The following FBH1 variants were observed in gnomAD, a reference collection of about 807,000 sequenced individuals.
FBH1 encodes DNA 3'-5' helicase 1.
A neutral mutation model predicts 115.5 loss-of-function variants in FBH1; 43 were observed. The observed-to-expected ratio is 0.37, with a 90% CI of 0.29 to 0.48. The LOEUF (loss-of-function observed/expected upper bound fraction) is 0.48. FBH1 is among the 20% of genes least tolerant of loss of function. FBH1 has a pLI of 0.99. For missense variants in FBH1, 1,001 were observed against 1,337.3 expected, an observed-to-expected ratio of 0.75 and a Z score of 3.92; for synonymous variants, 524 against 507.8, an observed-to-expected ratio of 1.03 and a Z score of -0.43.
intron 13 of FBH1, among the ~76,000 whole-genome samples, chr10:5,920,684 A>G (rs1413651198): frequency 6.6e-6 from 1 of 152,250 alleles, no homozygotes; most frequent in East Asian, 1.9e-4. Context: ...TCACCAAAGC[A>G]CATGAAGTTG....
intron 2 of FBH1, among the ~76,000 whole-genome samples, chr10:5,903,626 G>A (rs547060283): frequency 1.3e-5 from 2 of 152,180 alleles, no homozygotes; most frequent in African/African-American, 4.8e-5. Flanking sequence ...ACCGCGCCCC[G>A]CCGAGTTTTC....
At position 5,917,286 on chromosome 10, in the gene FBH1, A is replaced by G. The variant is rs905550861; in HGVS notation, c.1789-134A>G. The G allele has an allele frequency of 1.4e-6, 1 of 694,856 alleles. No homozygotes were observed. The highest frequency in any genetic ancestry group is 2.6e-6 in the Non-Finnish European group (1 of 388,132). 43.0% of individuals were successfully genotyped at this position (694,856 alleles called of 1,614,324 possible). A position where few individuals can be genotyped will look rare whatever the true frequency, so the allele number is the denominator to read the frequency against. ...GGCTGTTGAGGAGACCCAGGAGGTTAGGGTGGTGTCTGCGGTCCCCCTTCT... is the reference window on the plus strand; with the variant it reads ...GGCTGTTGAGGAGACCCAGGAGGTTGGGGTGGTGTCTGCGGTCCCCCTTCT... On this transcript the variant is annotated intron_variant, in intron 10 of 20. Coordinates refer to ENST00000362091, the MANE Select transcript of FBH1 (RefSeq NM_178150.3). This position sits in a 1 kb window ranked among gnomAD's most constrained non-coding sequence, Gnocchi z 5.6.
chr10:5,917,216 C>G lies in FBH1; in HGVS notation c.1789-204C>G, dbSNP rs1163733308. On this transcript the variant is annotated intron_variant, in intron 10 of 20. Transcript: ENST00000362091. This position sits in a 1 kb window ranked among gnomAD's most constrained non-coding sequence, Gnocchi z 5.6. ...TGTCCTGTCACGGGCATGGCACGGC[C>G]CGGCTGCTTCCTGTCTCAGCACTGG... 1 of 586,306 alleles carries G rather than the reference C, an allele frequency of 1.7e-6. No individual in the cohort carries two copies. Among genetic ancestry groups the G allele is most frequent in the Admixed American group, 2.9e-5 (1 of 34,136 alleles). 36.3% of individuals were successfully genotyped at this position (586,306 alleles called of 1,614,324 possible).
At chr10:5,889,784 T>G (rs984014850), upstream of FBH1, 1 of 156,150 alleles carries the variant, frequency 6.4e-6, no homozygotes, top group Non-Finnish European at 1.4e-5. Context: ...AGCCCCAAAG[T>G]GGAGGGTCCG....
chr10:5,927,706 C>T (rs1798387089), intron 19 of FBH1, among the ~76,000 whole-genome samples, 165 bp downstream of exon 19: 1 of 152,126 alleles, frequency 6.6e-6, no homozygotes, highest in African/African-American at 2.4e-5. Context: ...AAGAAGTGTT[C>T]TAACCAAGGA....
chr10:5,904,715 A>AT (rs1255193850), intron 2 of FBH1, among the ~76,000 whole-genome samples: 2 of 152,096 alleles, frequency 1.3e-5, no homozygotes, highest in Non-Finnish European at 2.9e-5. Context: ...TAATAATAAT[A>AT]TTTTTTAAAA....
In FBH1 at chr10:5,906,290, C is replaced by G. The variant is rs1162025169; in HGVS notation, c.411C>G (p.Thr137=). 3 of 1,614,108 alleles carry G rather than the reference C, an allele frequency of 1.9e-6. No individual in the cohort carries two copies. The highest frequency in any genetic ancestry group is 1.3e-5 in the African/African-American group (1 of 74,936). ...SEEESNQATG[T]SRWDGVSKKA... is the part of the protein sequence containing the mutation. ...AAGAGAGTAACCAGGCTACCGGGAC[C>G]AGCCGGTGGGATGGAGTTTCTAAGA... The change falls in exon 3 of 21, where the codon ACC becomes ACG. Residue 137 remains threonine, a synonymous_variant. Coordinates refer to ENST00000362091, the MANE Select transcript of FBH1 (RefSeq NM_178150.3). The surrounding 1 kb of genome is among the most constrained non-coding windows in gnomAD (Gnocchi z 7.3).
Position 5,923,268 on chromosome 10 carries a change from T to C in FBH1, c.2323-353T>C, listed in dbSNP as rs1160498878. On this transcript the variant is annotated intron_variant, in intron 15 of 20. Coordinates refer to ENST00000362091, the MANE Select transcript of FBH1 (RefSeq NM_178150.3). The surrounding 1 kb of genome is among the most constrained non-coding windows in gnomAD (Gnocchi z 5.7). Reference sequence around the variant, plus strand: ...GTGCCATTTGTGTTCTTTGGAATCGTCTTATGTTCTTGGAAGATGCTTAAA... The same window carrying C: ...GTGCCATTTGTGTTCTTTGGAATCGCCTTATGTTCTTGGAAGATGCTTAAA... 6.6e-6 allele frequency among the ~76,000 whole-genome samples: 1 copy of C among 152,212 alleles called. No individual in the cohort carries two copies. The highest frequency in any genetic ancestry group is 6.5e-5 in the Admixed American group (1 of 15,286).
At position 5,910,092 on chromosome 10, in the gene FBH1, G is replaced by A. The variant is rs543139103; in HGVS notation, c.1020+798G>A. 2.6e-4 allele frequency among the ~76,000 whole-genome samples: 39 copies of A among 152,148 alleles called. No individual in the cohort carries two copies. Among genetic ancestry groups the A allele is most frequent in the Non-Finnish European group, 4.9e-4 (33 of 68,022 alleles). On this transcript the variant is annotated intron_variant, in intron 5 of 20. Coordinates refer to ENST00000362091, the MANE Select transcript of FBH1 (RefSeq NM_178150.3). The surrounding 1 kb of genome is among the most constrained non-coding windows in gnomAD (Gnocchi z 4.8). ...AGGTCAGGAGTTCGAGACCAGCCTG[G>A]CCAACATGGTGAAACCCTGTCTCTA...
rs148826073 is a variant in FBH1 at position 5,905,397 on chromosome 10, A to C, written c.158-640A>C. 6.3e-3 allele frequency: 956 copies of C among 152,488 alleles called. 7 individuals are homozygous for C. Among genetic ancestry groups the C allele is most frequent in the Middle Eastern group, 0.024 (7 of 296 alleles). The allele number at this position is 152,488 out of a possible 1,614,324, so 9.4% of individuals were successfully genotyped here. ...GCTAGGCATGGTGGCATACGCCTGT[A>C]GTCCCAGCTACTTGGGAGGCTGAGG... On this transcript the variant is annotated intron_variant, in intron 2 of 20. Transcript: ENST00000362091.
rs1370142008 is a variant in FBH1, at chr10:5,935,186, C to T, written c.2830-1270C>T. 2 of 152,112 alleles carry T rather than the reference C, an allele frequency of 1.3e-5. No homozygotes were observed. The highest frequency in any genetic ancestry group is 4.8e-5 in the African/African-American group (2 of 41,406). 9.4% of individuals were successfully genotyped at this position (152,112 alleles called of 1,614,324 possible). A position where few individuals can be genotyped will look rare whatever the true frequency, so the allele number is the denominator to read the frequency against. On this transcript the variant is annotated intron_variant, in intron 19 of 20. Transcript: ENST00000362091. This position sits in a 1 kb window ranked among gnomAD's most constrained non-coding sequence, Gnocchi z 5.2. ...CGTCAAAAACGGCTTGAGAGCCTAGCCCTGGAGAAACTTCTGGAGTGGACA... is the reference window on the plus strand; with the variant it reads ...CGTCAAAAACGGCTTGAGAGCCTAGTCCTGGAGAAACTTCTGGAGTGGACA...
chr10:5,936,909 T>C lies in FBH1; in HGVS notation c.2962-201T>C. On this transcript the variant is annotated intron_variant, in intron 20 of 20. Transcript: ENST00000362091. This position sits in a 1 kb window ranked among gnomAD's most constrained non-coding sequence, Gnocchi z 5.6. ...ACTGGATAAATGACTGTTTCTGAGCTCAGGGAATTTGGGGGTGTTGAGGCC... is the reference window on the plus strand; with the variant it reads ...ACTGGATAAATGACTGTTTCTGAGCCCAGGGAATTTGGGGGTGTTGAGGCC... 2 of 628,124 alleles carry C rather than the reference T, an allele frequency of 3.2e-6. No individual in the cohort carries two copies. The highest frequency in any genetic ancestry group is 5.6e-5 in the East Asian group (2 of 35,410). The allele number at this position is 628,124 out of a possible 1,614,324, so 38.9% of individuals were successfully genotyped here.
Position 5,913,969 on chromosome 10 carries a change from C to A in FBH1, c.1304+130C>A. 1.2e-6 allele frequency: 1 copy of A among 841,024 alleles called. No homozygotes were observed. Among genetic ancestry groups the A allele is most frequent in the Non-Finnish European group, 1.9e-6 (1 of 525,098 alleles). 52.1% of individuals were successfully genotyped at this position (841,024 alleles called of 1,614,324 possible). A position where few individuals can be genotyped will look rare whatever the true frequency, so the allele number is the denominator to read the frequency against. ...ATAATGTAAATTGTGTAAAACTCACCCATCCTAAGAGTGTGATTCAGTGAC... is the reference window on the plus strand; with the variant it reads ...ATAATGTAAATTGTGTAAAACTCACACATCCTAAGAGTGTGATTCAGTGAC... On this transcript the variant is annotated intron_variant, in intron 7 of 20. Coordinates refer to ENST00000362091, the MANE Select transcript of FBH1 (RefSeq NM_178150.3). This position sits in a 1 kb window ranked among gnomAD's most constrained non-coding sequence, Gnocchi z 4.4.
intron 9 of FBH1, chr10:5,916,016 G>A (rs758348092): frequency 3.4e-5 from 19 of 564,824 alleles, no homozygotes; most frequent in Middle Eastern, 4.7e-4. Flanking sequence ...AGTGTCTGCC[G>A]AAAGCTGGTT....
intron 1 of FBH1, among the ~76,000 whole-genome samples, chr10:5,892,940 C>G (rs1408600069): frequency 1.3e-5 from 2 of 152,234 alleles, no homozygotes; most frequent in Non-Finnish European, 2.9e-5. Context: ...CTCCATGTCT[C>G]TCCACCTTCT....
In FBH1 at chr10:5,906,369, C is replaced by A. The variant is rs746993373; in HGVS notation, c.490C>A (p.Gln164Lys). 6.2e-7 allele frequency: 1 copy of A among 1,614,194 alleles called. No homozygotes were observed. Among genetic ancestry groups the A allele is most frequent in the Non-Finnish European group, 8.5e-7 (1 of 1,180,002 alleles). The part of the protein sequence containing the change: ...VPCTRPREAR[Q>K]EAEDSTSRLS... Reference sequence around the variant, plus strand: ...ATGCACAAGGCCTAGGGAGGCCAGGCAAGAAGCAGAGGACAGTACGTCTCG... The same window carrying A: ...ATGCACAAGGCCTAGGGAGGCCAGGAAAGAAGCAGAGGACAGTACGTCTCG... Residue 164 changes from glutamine to lysine, a missense_variant, in exon 3 of 21, where the codon CAA becomes AAA. Physicochemically the swap from Gln to Lys is moderately conservative, Grantham distance 53 (BLOSUM62 1). Transcript: ENST00000362091. The surrounding 1 kb of genome is among the most constrained non-coding windows in gnomAD (Gnocchi z 7.3).
chr10:5,915,334 C>T lies in FBH1; in HGVS notation c.1397-69C>T. The T allele has an allele frequency of 6.5e-7, 1 of 1,544,060 alleles. No homozygotes were observed. On this transcript the variant is annotated intron_variant, in intron 8 of 20. Coordinates refer to ENST00000362091, the MANE Select transcript of FBH1 (RefSeq NM_178150.3). This position sits in a 1 kb window ranked among gnomAD's most constrained non-coding sequence, Gnocchi z 5.2. ...GAGGTGTGATAAGCCTGGACAAGGC[C>T]TGATTGGGGATCCCTGGGCATGTCT...
chr10:5,936,166 A>G lies in FBH1; in HGVS notation c.2830-290A>G. ...TTGAGCTGGGGATACCTTAGCATAA[A>G]ATAAAATCCAGAAATATTCTGGAAA... On this transcript the variant is annotated intron_variant, in intron 19 of 20. Coordinates refer to ENST00000362091, the MANE Select transcript of FBH1 (RefSeq NM_178150.3). The surrounding 1 kb of genome is among the most constrained non-coding windows in gnomAD (Gnocchi z 5.6). 1 of 219,842 alleles carries G rather than the reference A, an allele frequency of 4.5e-6. No homozygotes were observed. Among genetic ancestry groups the G allele is most frequent in the Non-Finnish European group, 9.5e-6 (1 of 105,538 alleles). 13.6% of individuals were successfully genotyped at this position (219,842 alleles called of 1,614,324 possible). A position where few individuals can be genotyped will look rare whatever the true frequency, so the allele number is the denominator to read the frequency against.
At chr10:5,919,489 A>G (rs1190167518) in intron 13 of FBH1, among the ~76,000 whole-genome samples, 1 of 152,218 alleles carries the variant, frequency 6.6e-6, no homozygotes, top group Non-Finnish European at 1.5e-5. Context: ...CTGTCTTAAA[A>G]AAAAATAGTT....
Sources: gnomAD v4.1 joint callset for allele counts (sites outside exome capture counted in the v4.1 genomes callset) on GRCh38, gnomAD v4.1.1 for gene constraint, Gnocchi (gnomAD v3.1) non-coding constraint, MANE v1.5 for transcripts, NCBI Gene and HGNC (gene_info 2026-07-23, HGNC 2026-07-21) for gene names.